CPNE4: variants seen among roughly 807,000 people sequenced by gnomAD.
CPNE4 encodes the protein copine-4.
CPNE4 carries 25 observed loss-of-function variants against 67.9 expected under a neutral mutation model. The ratio of observed to expected loss-of-function variants is 0.37; its 90% CI spans 0.27 to 0.51. CPNE4 has a LOEUF of 0.51. CPNE4 is among the 20% of genes least tolerant of loss of function. The pLI is 0.93. For missense variants in CPNE4, 464 were observed against 690.8 expected, an observed-to-expected ratio of 0.67 and a Z score of 3.68; for synonymous variants, 242 against 244.9, an observed-to-expected ratio of 0.99 and a Z score of 0.11.
At chr3:131,712,578 GT>G (rs2081586349) in intron 3 of CPNE4, among the ~76,000 whole-genome samples, 1 of 152,180 alleles carries the variant, frequency 6.6e-6, no homozygotes, top group Non-Finnish European at 1.5e-5. Context: ...AAGAAATCTA[GT>G]TTTTAGTAAA....
chr3:131,658,971 T>G (rs1410630941), intron 7 of CPNE4, among the ~76,000 whole-genome samples: 1 of 152,214 alleles, frequency 6.6e-6, no homozygotes, highest in African/African-American at 2.4e-5. Context: ...AAAAGGCATC[T>G]TGGGATGTCA....
chr3:131,623,387 C>T lies in CPNE4; in HGVS notation c.682-35805G>A, dbSNP rs151223053. On this transcript the variant is annotated intron_variant, in intron 7 of 15. Transcript: ENST00000429747. ...TTAAATGTTCTATCTCCCCTCCCTC[C>T]TCAAAAATAAAAAAATCTTGATGTG... Among the ~76,000 whole-genome samples, 89 of 152,256 alleles carry T rather than the reference C, an allele frequency of 5.8e-4. No homozygotes were observed. In the East Asian group the frequency reaches 0.012, roughly 20 times the overall value.
intron 7 of CPNE4, among the ~76,000 whole-genome samples, chr3:131,614,940 T>G (rs981567739): frequency 1.1e-4 from 16 of 152,138 alleles, no homozygotes; most frequent in Non-Finnish European, 2.1e-4. Context: ...TCAGGGAAAA[T>G]AGAGTCTCCC....
chr3:131,549,418 T>C (rs1404014511), intron 14 of CPNE4, among the ~76,000 whole-genome samples: 6 of 152,106 alleles, frequency 3.9e-5, no homozygotes, highest in Admixed American at 1.3e-4. Context: ...TTCTAAAATA[T>C]TAGGGGCAAA....
chr3:131,708,904 T>A (rs2081481615), intron 3 of CPNE4, among the ~76,000 whole-genome samples: 1 of 141,902 alleles, frequency 7.0e-6, no homozygotes, highest in Non-Finnish European at 1.5e-5. Flanking sequence ...AATGCTCAAA[T>A]AATACACTGT....
At chr3:131,842,730 TAA>T (rs3041527) in intron 2 of CPNE4, among the ~76,000 whole-genome samples, 47,934 of 121,858 alleles carry the variant, frequency 0.39, 9,117 homozygotes, top group East Asian at 0.55. Context: ...TATTCTGTTG[TAA>T]AAAAAAAAAA....
At chr3:131,555,474 A>G in intron 12 of CPNE4, 23 bp downstream of exon 12, 1 of 1,605,764 alleles carries the variant, frequency 6.2e-7, no homozygotes, top group South Asian at 1.1e-5. Context: ...AAGTGGAAGA[A>G]GATCACATCT....
chr3:131,995,878 C>G (rs1223105330), intron 1 of CPNE4, among the ~76,000 whole-genome samples: 3 of 152,124 alleles, frequency 2.0e-5, no homozygotes, highest in Admixed American at 1.3e-4. Context: ...GCATATTTAG[C>G]AAGGAAGAGC....
At chr3:131,575,257 A>T (rs997206795) in intron 9 of CPNE4, 127 bp from the exon 10 acceptor site, 8 of 741,128 alleles carry the variant, frequency 1.1e-5, no homozygotes, top group Non-Finnish European at 1.9e-5. Context: ...ACATCATTGA[A>T]AAAAGATGGG....
intron 1 of CPNE4, among the ~76,000 whole-genome samples, chr3:132,013,514 T>A (rs2073820577): frequency 6.6e-6 from 1 of 152,222 alleles, no homozygotes; most frequent in African/African-American, 2.4e-5. Flanking sequence ...CATTTGCTAA[T>A]TATCAGAACC....
At chr3:131,785,388 C>T (rs1354388132) in intron 2 of CPNE4, among the ~76,000 whole-genome samples, 1 of 152,056 alleles carries the variant, frequency 6.6e-6, no homozygotes, top group Non-Finnish European at 1.5e-5. Flanking sequence ...CCTCCCTCAC[C>T]TCCTTCATGT....
chr3:131,669,469 T>C (rs2080349297), intron 7 of CPNE4, among the ~76,000 whole-genome samples: 1 of 152,162 alleles, frequency 6.6e-6, no homozygotes, highest in Non-Finnish European at 1.5e-5. Context: ...TATAACATAA[T>C]TGGAATTGAT....
At chr3:131,545,487 A>G (rs1935776804) in intron 14 of CPNE4, among the ~76,000 whole-genome samples, 1 of 152,202 alleles carries the variant, frequency 6.6e-6, no homozygotes, top group Admixed American at 6.5e-5. Context: ...AAATCAAATT[A>G]ATATTAGTTC....
intron 1 of CPNE4, among the ~76,000 whole-genome samples, chr3:131,984,553 T>C (rs1346265111): frequency 6.6e-6 from 1 of 152,212 alleles, no homozygotes; most frequent in Admixed American, 6.5e-5. Flanking sequence ...ATATAGCTAC[T>C]GCTATCAAGT....
chr3:131,917,285 G>A (rs1328936820), intron 1 of CPNE4, among the ~76,000 whole-genome samples: 1 of 152,170 alleles, frequency 6.6e-6, no homozygotes, highest in Non-Finnish European at 1.5e-5. Context: ...AAATGACCTC[G>A]CTAGTGTTGC....
intron 2 of CPNE4, among the ~76,000 whole-genome samples, chr3:131,758,128 G>T (rs1230612236): frequency 6.6e-6 from 1 of 152,182 alleles, no homozygotes; most frequent in African/African-American, 2.4e-5. Flanking sequence ...GCATTGAGAA[G>T]AGGACCACTG....
chr3:131,983,537 C>G (rs770450115), intron 1 of CPNE4, among the ~76,000 whole-genome samples: 1 of 152,068 alleles, frequency 6.6e-6, no homozygotes, highest in Non-Finnish European at 1.5e-5. Flanking sequence ...AAGCATTTAC[C>G]TAGTTATAAT....
chr3:131,556,022 A>AC (rs1432701337), intron 11 of CPNE4, among the ~76,000 whole-genome samples: 1 of 152,064 alleles, frequency 6.6e-6, no homozygotes, highest in Non-Finnish European at 1.5e-5. Flanking sequence ...GCCCAAGATC[A>AC]TGCCACTAAT....
intron 2 of CPNE4, among the ~76,000 whole-genome samples, chr3:131,789,029 CACACACAGAG>C (rs1349287139): frequency 2.0e-5 from 3 of 147,886 alleles, no homozygotes; most frequent in East Asian, 2.1e-4. Flanking sequence ...CACACACACA[CACACACAGAG>C]AGAGAGAGAG....
Sources: allele counts gnomAD v4.1 joint callset (sites outside exome capture counted in the v4.1 genomes callset), GRCh38; gene constraint gnomAD v4.1.1; transcripts MANE v1.5; gene names NCBI Gene and HGNC (gene_info 2026-07-23, HGNC 2026-07-21).